Variants in EGF observed in about 807,000 individuals in gnomAD.
EGF encodes pro-epidermal growth factor.
In EGF, 95 loss-of-function variants were observed where a neutral mutation model predicts 143.8. The observed-to-expected ratio is 0.66, with a 90% CI of 0.56 to 0.78. The LOEUF is 0.78. Among genes scored for constraint, EGF ranks in the 30% least tolerant of loss-of-function variants. EGF has a pLI of 0.00. For missense variants in EGF, 1,320 were observed against 1,470.9 expected (o/e 0.90, Z 1.68); for synonymous variants, 510 against 510.5 (o/e 1.00, Z 0.01).
chr4:109,970,846 A>AAAAAAAAAAAC (rs1560713238), intron 11 of EGF, among the ~76,000 whole-genome samples: 2 of 150,476 alleles, frequency 1.3e-5, no homozygotes, highest in East Asian at 1.9e-4. Context: ...AAAAAAAAAA[A>AAAAAAAAAAAC]TCTGTTGATT....
intron 10 of EGF, among the ~76,000 whole-genome samples, chr4:109,968,470 C>T (rs1746962936): frequency 6.6e-6 from 1 of 152,036 alleles, no homozygotes; most frequent in South Asian, 2.1e-4. Flanking sequence ...TTTCAGAAGC[C>T]ACAGTAGTTC....
chr4:109,992,170 TAAAAAAAAAAAAAA>T lies in EGF; in HGVS notation c.2735-1060_2735-1047del, dbSNP rs58841408. 2.2e-3 allele frequency among the ~76,000 whole-genome samples: 146 copies of T among 65,632 alleles called. 1 individual carries two copies. The highest frequency in any genetic ancestry group is 7.2e-3 in the Middle Eastern group (1 of 138). The allele number at this position is 65,632 out of a possible 152,430, so 43.1% of individuals were successfully genotyped here. A position where few individuals can be genotyped will look rare whatever the true frequency, so the allele number is the denominator to read the frequency against. On this transcript the variant is annotated intron_variant, in intron 18 of 23. Coordinates refer to ENST00000265171, the MANE Select transcript of EGF (RefSeq NM_001963.6). ...TCCTTAGCAACCAAGCAAGATTCTTTAAAAAAAAAAAAAAAAAAAAAAAAAAAAAAGACAGAGAG... is the reference window on the plus strand; with the variant it reads ...TCCTTAGCAACCAAGCAAGATTCTTTAAAAAAAAAAAAAAAAGACAGAGAG...
chr4:109,984,097 G>GT (rs1297981260), intron 16 of EGF, among the ~76,000 whole-genome samples: 1 of 152,118 alleles, frequency 6.6e-6, no homozygotes, highest in Non-Finnish European at 1.5e-5. Flanking sequence ...GAGGTCAGTG[G>GT]TTTTTCCAGC....
At chr4:109,990,863 C>G (rs190562422) in intron 18 of EGF, among the ~76,000 whole-genome samples, 2 of 152,128 alleles carry the variant, frequency 1.3e-5, no homozygotes, top group African/African-American at 4.8e-5. Context: ...TTAAGGACAC[C>G]GATGCTATTG....
chr4:109,977,934 G>A (rs894283734), intron 13 of EGF, among the ~76,000 whole-genome samples: 10 of 152,268 alleles, frequency 6.6e-5, no homozygotes, highest in Middle Eastern at 6.8e-3. Flanking sequence ...TTTCTAACCC[G>A]AATGTGAGGA....
chr4:109,937,501 T>C (rs980968707), intron 1 of EGF, among the ~76,000 whole-genome samples: 1 of 152,150 alleles, frequency 6.6e-6, no homozygotes, highest in African/African-American at 2.4e-5. Flanking sequence ...AATTTGCCAG[T>C]CTGTGTCTTT....
intron 1 of EGF, among the ~76,000 whole-genome samples, chr4:109,925,737 G>A (rs761603482): frequency 3.3e-5 from 5 of 152,190 alleles, no homozygotes; most frequent in Non-Finnish European, 7.3e-5. Context: ...CTCAGTGAAA[G>A]TTCTCAGAAG....
intron 16 of EGF, among the ~76,000 whole-genome samples, chr4:109,986,023 C>CT (rs963155786): frequency 6.6e-6 from 1 of 152,000 alleles, no homozygotes; most frequent in Non-Finnish European, 1.5e-5. Flanking sequence ...ACTTTTTATT[C>CT]TAGTCCTTAG....
At chr4:110,008,260 T>C in intron 23 of EGF, 30 bp downstream of exon 23, 1 of 1,613,368 alleles carries the variant, frequency 6.2e-7, no homozygotes, top group South Asian at 1.1e-5. Flanking sequence ...TCCTGGTGAA[T>C]GGTTATTTTT....
chr4:109,951,322 C>A (rs1331324847), intron 5 of EGF, among the ~76,000 whole-genome samples: 3 of 152,066 alleles, frequency 2.0e-5, no homozygotes, highest in Non-Finnish European at 4.4e-5. Flanking sequence ...CAGGCCACTG[C>A]ACTGTAGTCT....
At chr4:109,971,136 TCAA>T (rs1000132511) in intron 11 of EGF, among the ~76,000 whole-genome samples, 14 of 152,078 alleles carry the variant, frequency 9.2e-5, no homozygotes, top group African/African-American at 3.4e-4. Context: ...GGTCAAGCAG[TCAA>T]CAAGTACCAT....
chr4:109,980,876 A>C lies in EGF; in HGVS notation c.2272A>C (p.Lys758Gln), dbSNP rs768443831. The C allele has an allele frequency of 6.2e-7, 1 of 1,614,094 alleles. No homozygotes were observed. The highest frequency in any genetic ancestry group is 8.5e-7 in the Non-Finnish European group (1 of 1,179,968). Residue 758 changes from lysine to glutamine, a missense_variant, in exon 15 of 24, where the codon AAG (lysine) becomes CAG (glutamine). Transcript: ENST00000265171. Reference protein sequence around the residue: ...QNGGCEHICKKRLGTAWCSCR... With the variant: ...QNGGCEHICKQRLGTAWCSCR... ...CGGAGGCTGTGAACATATTTGCAAA[A>C]AGAGGCTTGGAACTGCTTGGTGTTC...
chr4:109,973,008 A>G (rs1274783730), intron 11 of EGF, among the ~76,000 whole-genome samples: 5 of 152,172 alleles, frequency 3.3e-5, no homozygotes, highest in African/African-American at 4.8e-5. Flanking sequence ...TATTGAATGA[A>G]TTAAAGGTGG....
intron 10 of EGF, 128 bp from the exon 11 acceptor site, chr4:109,968,843 G>A: frequency 8.3e-7 from 1 of 1,204,700 alleles, no homozygotes. Flanking sequence ...TTCGAATTTA[G>A]TTGCAGGTGT....
At chr4:110,004,211 T>C (rs897511630) in intron 21 of EGF, 11 of 387,374 alleles carry the variant, frequency 2.8e-5, no homozygotes, top group Middle Eastern at 8.1e-4. Flanking sequence ...TACATGGGCA[T>C]ACATACACAC....
intron 1 of EGF, among the ~76,000 whole-genome samples, chr4:109,939,577 C>A (rs1318239268): frequency 5.3e-5 from 8 of 152,316 alleles, no homozygotes; most frequent in East Asian, 1.9e-4. Flanking sequence ...GTGGGATGAA[C>A]CAGGTACCTC....
chr4:109,988,254 T>C (rs11569049), intron 17 of EGF, among the ~76,000 whole-genome samples: 4,428 of 151,942 alleles, frequency 0.029, 211 homozygotes, highest in African/African-American at 0.1. Context: ...ATGAATAGAT[T>C]AATGGATGGG....
Position 109,964,801 on chromosome 4 carries a change from G to A in EGF, c.1575+264G>A, listed in dbSNP as rs11568962. On this transcript the variant is annotated intron_variant, in intron 10 of 23. Transcript: ENST00000265171. Reference sequence around the variant, plus strand: ...AGTTTAGTTTTAGATTTTCAGTTTAGTTTCCTCTTTGGAGATGAGGATGGG... The same window carrying A: ...AGTTTAGTTTTAGATTTTCAGTTTAATTTCCTCTTTGGAGATGAGGATGGG... Among the ~76,000 whole-genome samples the A allele has an allele frequency of 6.6e-3, 1,008 of 152,258 alleles. 16 individuals are homozygous for A. The highest frequency in any genetic ancestry group is 0.023 in the African/African-American group (945 of 41,546).
intron 7 of EGF, among the ~76,000 whole-genome samples, chr4:109,961,314 C>T (rs928084245): frequency 1.3e-5 from 2 of 152,124 alleles, no homozygotes; most frequent in Admixed American, 6.5e-5. Flanking sequence ...GAAATCAAGC[C>T]ACTGCCCTTC....
Sources: gnomAD v4.1 joint callset for allele counts (sites outside exome capture counted in the v4.1 genomes callset) on GRCh38, gnomAD v4.1.1 for gene constraint, MANE v1.5 for transcripts, NCBI Gene and HGNC (gene_info 2026-07-23, HGNC 2026-07-21) for gene names.